The following RGS7 variants were observed in gnomAD, a reference collection of about 807,000 sequenced individuals.
RGS7 encodes the protein regulator of G protein signaling 7.
A neutral mutation model predicts 81.1 loss-of-function variants in RGS7; 27 were observed. The observed-to-expected ratio is 0.33, with a 90% CI of 0.25 to 0.46. RGS7 has a LOEUF of 0.46. Among genes scored for constraint, RGS7 ranks in the 20% least tolerant of loss-of-function variants. The probability of loss-of-function intolerance (pLI) is 1.00; values close to 1 mark genes in which losing one functional copy is unlikely to be tolerated. For synonymous variants in RGS7, 208 were observed against 207.7 expected, an observed-to-expected ratio of 1.00 and a Z score of -0.01; for missense variants, 396 against 607.4, an observed-to-expected ratio of 0.65 and a Z score of 3.66.
At chr1:241,238,235 G>C (rs1394859242) in intron 2 of RGS7, among the ~76,000 whole-genome samples, 2 of 152,154 alleles carry the variant, frequency 1.3e-5, no homozygotes, top group Non-Finnish European at 2.9e-5. Flanking sequence ...ATGTGTGTGT[G>C]TACATGCATA....
At chr1:240,960,214 C>CTTTTTT (rs1558526618) in intron 4 of RGS7, among the ~76,000 whole-genome samples, 1 of 2,590 alleles carries the variant, frequency 3.9e-4, no homozygotes, top group African/African-American at 1.2e-3. Flanking sequence ...TCCTCTTCTT[C>CTTTTTT]TTCTTTTTTT....
At chr1:241,310,229 GA>G (rs1193977862) in intron 2 of RGS7, among the ~76,000 whole-genome samples, 2 of 152,168 alleles carry the variant, frequency 1.3e-5, no homozygotes, top group African/African-American at 4.8e-5. Context: ...TTCTCTTTAT[GA>G]AAAAAAGTCA....
chr1:241,329,812 G>A (rs1469171438), intron 2 of RGS7, among the ~76,000 whole-genome samples: 1 of 151,976 alleles, frequency 6.6e-6, no homozygotes, highest in Non-Finnish European at 1.5e-5. Context: ...GCTGGTGGAT[G>A]GATCATAGAT....
intron 3 of RGS7, among the ~76,000 whole-genome samples, chr1:241,075,114 G>T (rs2062715618): frequency 6.6e-6 from 1 of 152,006 alleles, no homozygotes; most frequent in Non-Finnish European, 1.5e-5. Context: ...TATGATATTT[G>T]TTCTTAAATG....
intron 5 of RGS7, among the ~76,000 whole-genome samples, chr1:240,933,177 C>T (rs893633819): frequency 5.9e-5 from 9 of 151,810 alleles, no homozygotes; most frequent in Non-Finnish European, 1.2e-4. Flanking sequence ...CCACCGCGCC[C>T]GGCCGGTGTT....
intron 3 of RGS7, among the ~76,000 whole-genome samples, chr1:241,048,193 C>G (rs576110919): frequency 1.3e-5 from 2 of 152,252 alleles, no homozygotes; most frequent in Non-Finnish European, 2.9e-5. Flanking sequence ...CTTATTTCCA[C>G]TTTAGATCCG....
intron 6 of RGS7, chr1:240,920,561 C>T (rs1294779450): frequency 1.2e-6 from 1 of 852,172 alleles, no homozygotes; most frequent in African/African-American, 1.7e-5. Flanking sequence ...ACTAAGGTGG[C>T]TATGGTGGTT....
At chr1:241,016,257 C>T (rs1260229025) in intron 3 of RGS7, among the ~76,000 whole-genome samples, 1 of 152,098 alleles carries the variant, frequency 6.6e-6, no homozygotes, top group African/African-American at 2.4e-5. Context: ...CGGTGGCTCA[C>T]GCCTGTAATC....
At chr1:240,855,530 G>C (rs565097945) in intron 9 of RGS7, among the ~76,000 whole-genome samples, 34 of 151,144 alleles carry the variant, frequency 2.2e-4, no homozygotes, top group African/African-American at 8.0e-4. Context: ...TCCCGGGCTC[G>C]AGTGATTTTA....
At chr1:240,813,017 T>C (rs1249648127) in intron 13 of RGS7, among the ~76,000 whole-genome samples, 1 of 152,176 alleles carries the variant, frequency 6.6e-6, no homozygotes, top group African/African-American at 2.4e-5. Context: ...CTGCTAGAAG[T>C]GTGACAGAGC....
intron 2 of RGS7, among the ~76,000 whole-genome samples, chr1:241,239,855 G>A (rs2076182144): frequency 1.3e-5 from 2 of 152,204 alleles, no homozygotes; most frequent in Non-Finnish European, 2.9e-5. Context: ...AGCGTGCAGA[G>A]AACTAGAGGG....
chr1:241,016,269 T>C (rs530712063), intron 3 of RGS7, among the ~76,000 whole-genome samples: 46 of 152,162 alleles, frequency 3.0e-4, no homozygotes, highest in Admixed American at 2.0e-3. Flanking sequence ...CCTGTAATCC[T>C]AGCACTTTGG....
chr1:241,121,770 T>C (rs2066279178), intron 2 of RGS7, among the ~76,000 whole-genome samples: 1 of 140,840 alleles, frequency 7.1e-6, no homozygotes, highest in African/African-American at 2.7e-5. Flanking sequence ...CAGTCTAGAG[T>C]ACAGTGGCAA....
intron 4 of RGS7, among the ~76,000 whole-genome samples, chr1:240,947,822 A>G (rs1678893535): frequency 6.6e-6 from 1 of 152,190 alleles, no homozygotes; most frequent in African/African-American, 2.4e-5. Context: ...TAGGCTTTAC[A>G]AGATCTTATA....
rs1186205049 is a variant in RGS7 at position 241,163,355 on chromosome 1, C to T, written c.79-64593G>A. On this transcript the variant is annotated intron_variant, in intron 2 of 18. Coordinates refer to ENST00000440928, the MANE Select transcript of RGS7 (RefSeq NM_001364886.1). This position sits in a 1 kb window ranked among gnomAD's most constrained non-coding sequence, Gnocchi z 4.6. ...TCAAAATATCTCAAAACATCCTTCT[C>T]GGACATATTTTGAGATGGATGTTCA... Among the ~76,000 whole-genome samples, 2 of 152,154 alleles carry T rather than the reference C, an allele frequency of 1.3e-5. No individual in the cohort carries two copies. The highest frequency in any genetic ancestry group is 2.9e-5 in the Non-Finnish European group (2 of 68,022).
At chr1:240,814,976 AT>A (rs199649548) in intron 11 of RGS7, among the ~76,000 whole-genome samples, 199 bp from the exon 12 acceptor site, 6,702 of 152,300 alleles carry the variant, frequency 0.044, 147 homozygotes, top group East Asian at 0.1. Flanking sequence ...CACAATTGAT[AT>A]CACTTTAGAA....
chr1:241,175,425 C>T (rs1394181802), intron 2 of RGS7, among the ~76,000 whole-genome samples: 1 of 152,066 alleles, frequency 6.6e-6, no homozygotes, highest in African/African-American at 2.4e-5. Context: ...CTTCCTTGGT[C>T]AAGGCTCCAT....
At chr1:240,879,284 A>G (rs1481788631) in intron 6 of RGS7, among the ~76,000 whole-genome samples, 1 of 152,140 alleles carries the variant, frequency 6.6e-6, no homozygotes, top group Admixed American at 6.5e-5. Flanking sequence ...TTTACCTTGG[A>G]TTATTTTTTA....
chr1:241,325,491 G>A (rs974583606), intron 2 of RGS7, among the ~76,000 whole-genome samples: 1 of 152,178 alleles, frequency 6.6e-6, no homozygotes, highest in African/African-American at 2.4e-5. Flanking sequence ...GATGATATGA[G>A]AGGCATCTTT....
Sources: allele counts gnomAD v4.1 joint callset (sites outside exome capture counted in the v4.1 genomes callset), GRCh38; gene constraint gnomAD v4.1.1; non-coding constraint Gnocchi (gnomAD v3.1); transcripts MANE v1.5; gene names NCBI Gene and HGNC (gene_info 2026-07-23, HGNC 2026-07-21).